The following ADGRD2 variants were observed in gnomAD, a reference collection of about 807,000 sequenced individuals.
ADGRD2 encodes G protein-coupled receptor PGR24.
ADGRD2 carries 71 observed loss-of-function variants against 44.4 expected under a neutral mutation model. The observed-to-expected ratio is 1.60, with a 90% CI of 1.32 to 1.95. The LOEUF (loss-of-function observed/expected upper bound fraction) is 1.95. ADGRD2 is among the 30% of genes most tolerant of loss of function. The probability of loss-of-function intolerance (pLI) is 0.00; values close to 1 mark genes in which losing one functional copy is unlikely to be tolerated. For synonymous variants in ADGRD2, 481 were observed against 224.8 expected (o/e 2.14, Z -10.19); for missense variants, 1,039 against 512.4 (o/e 2.03, Z -9.92).
intron 6 of ADGRD2, among the ~76,000 whole-genome samples, 191 bp from the exon 10 acceptor site, chr9:124,456,431 G>A (rs1261150282): frequency 6.6e-6 from 1 of 152,206 alleles, no homozygotes; most frequent in Admixed American, 6.5e-5. Flanking sequence ...GTCGAAGGAG[G>A]CTGGGGCAGG....
intron 17 of ADGRD2, among the ~76,000 whole-genome samples, chr9:124,473,498 A>G (rs1207691696): frequency 6.6e-6 from 1 of 152,200 alleles, no homozygotes; most frequent in Non-Finnish European, 1.5e-5. Context: ...ACATTTGCCA[A>G]GGCTACGCAC....
intron 6 of ADGRD2, among the ~76,000 whole-genome samples, 198 bp from the exon 10 acceptor site, chr9:124,456,424 G>A (rs928489747): frequency 3.9e-5 from 6 of 152,202 alleles, no homozygotes; most frequent in Non-Finnish European, 7.4e-5. Flanking sequence ...TGGATAGGTC[G>A]AAGGAGGCTG....
intron 21 of ADGRD2, among the ~76,000 whole-genome samples, chr9:124,477,472 CAG>C (rs1832070902): frequency 6.6e-6 from 1 of 152,222 alleles, no homozygotes; most frequent in Non-Finnish European, 1.5e-5. Flanking sequence ...GATTCTGATT[CAG>C]AGAGGGGGAG....
At position 124,459,289 on chromosome 9, in the gene ADGRD2, C is replaced by T. The variant is rs962426937; in HGVS notation, c.1870+568C>T. On this transcript the variant is annotated intron_variant, in intron 10 of 21. Coordinates refer to ENST00000334810, the Ensembl canonical transcript of ADGRD2. ...GGCGGATCACTTGAGGTCAGGAGTT[C>T]GAAACCAGCCTGGTCAACATGGTGA... is the stretch of plus-strand genomic sequence containing the variant. 2.0e-5 allele frequency among the ~76,000 whole-genome samples: 3 copies of T among 152,046 alleles called. No individual in the cohort carries two copies. The East Asian group carries it at 5.8e-4, about 29-fold the overall frequency.
chr9:124,469,279 C>A (rs1167132744), exon 15 of ADGRD2: 1 of 717,606 alleles, frequency 1.4e-6, no homozygotes, highest in African/African-American at 1.7e-5. Flanking sequence ...GACTACGTGG[C>A]CCCCGGACAT....
chr9:124,451,977 G>T, upstream of ADGRD2: 1 of 675,360 alleles, frequency 1.5e-6, no homozygotes, highest in Non-Finnish European at 2.7e-6. Flanking sequence ...TGACTGCAGA[G>T]TCTGCAGCTT....
chr9:124,452,718 G>A, exon 2 of ADGRD2: 1 of 712,166 alleles, frequency 1.4e-6, no homozygotes, highest in Non-Finnish European at 2.6e-6. Flanking sequence ...GACCCCCACA[G>A]AGGCGTGAGT....
At position 124,454,067 on chromosome 9, in the gene ADGRD2, C is replaced by A. The variant is rs903187403; in HGVS notation, c.994C>A (p.Pro332Thr). Residue 332 changes from proline to threonine, a missense_variant, in exon 4 of 22, where the codon CCG becomes ACG. Physicochemically the swap from Pro to Thr is conservative, Grantham distance 38 (BLOSUM62 -1). Coordinates refer to ENST00000334810, the Ensembl canonical transcript of ADGRD2. The surrounding 1 kb of genome is among the most constrained non-coding windows in gnomAD (Gnocchi z 4.5). Reference sequence around the variant, plus strand: ...TGAGGGCTCTGAGCTCTGCCTGGAGCCGCAGCCCTTCCTCTGCTGCTACCG... The same window carrying A: ...TGAGGGCTCTGAGCTCTGCCTGGAGACGCAGCCCTTCCTCTGCTGCTACCG... 5 of 713,726 alleles carry A rather than the reference C, an allele frequency of 7.0e-6. No individual in the cohort carries two copies. Among genetic ancestry groups the A allele is most frequent in the Non-Finnish European group, 1.3e-5 (5 of 383,430 alleles). The allele number at this position is 713,726 out of a possible 1,614,324, so 44.2% of individuals were successfully genotyped here.
chr9:124,457,439 G>A (rs7032400), intron 7 of ADGRD2, 33 bp from the exon 11 acceptor site: 15,624 of 558,082 alleles, frequency 0.028, 1,427 homozygotes, highest in East Asian at 0.25. Context: ...ACCTCACTCC[G>A]AGGTCCAGCC....
intron 17 of ADGRD2, among the ~76,000 whole-genome samples, chr9:124,473,928 G>T (rs1413894132): frequency 6.6e-6 from 1 of 151,960 alleles, no homozygotes; most frequent in Non-Finnish European, 1.5e-5. Context: ...CGAGAAATGG[G>T]GCAGGAGGGA....
rs1457967942 is a variant in ADGRD2 at position 124,458,726 on chromosome 9, T to C, written c.1870+5T>C. On this transcript the variant is annotated splice_donor_5th_base_variant and intron_variant, in intron 10 of 21. Coordinates refer to ENST00000334810, the Ensembl canonical transcript of ADGRD2. ...CATCTCCAGCACCGGGCCCAGGTAC[T>C]GGGTGGCGCTTCTGGGAAGCAGCCA... The C allele has an allele frequency of 2.8e-6, 2 of 717,662 alleles. No individual in the cohort carries two copies. Among genetic ancestry groups the C allele is most frequent in the African/African-American group, 1.7e-5 (1 of 57,260 alleles). The allele number at this position is 717,662 out of a possible 1,614,324, so 44.5% of individuals were successfully genotyped here.
Position 124,454,712 on chromosome 9 carries a change from C to CT in ADGRD2, c.1109-130dup. 1.6e-6 allele frequency: 1 copy of CT among 621,102 alleles called. No homozygotes were observed. Among genetic ancestry groups the CT allele is most frequent in the Non-Finnish European group, 2.9e-6 (1 of 342,220 alleles). 38.5% of individuals were successfully genotyped at this position (621,102 alleles called of 1,614,324 possible). A position where few individuals can be genotyped will look rare whatever the true frequency, so the allele number is the denominator to read the frequency against. On this transcript the variant is annotated intron_variant, in intron 5 of 21. Transcript: ENST00000334810. This position sits in a 1 kb window ranked among gnomAD's most constrained non-coding sequence, Gnocchi z 4.5. ...ATTCAGGCTCCCTATTCTGTAGCCC[C>CT]TGAGAGTTGGCGGCTTGTGACAAGT... is the stretch of plus-strand genomic sequence containing the variant.
At chr9:124,468,266 C>A (rs1489608787) in intron 13 of ADGRD2, 76 bp downstream of exon 16, 5 of 710,812 alleles carry the variant, frequency 7.0e-6, no homozygotes, top group African/African-American at 1.7e-5. Context: ...GGGTGACCCC[C>A]TGCCCCCAAC....
At chr9:124,467,593 C>G in intron 11 of ADGRD2, 128 bp from the exon 15 acceptor site, 1 of 641,086 alleles carries the variant, frequency 1.6e-6, no homozygotes, top group East Asian at 2.7e-5. Flanking sequence ...GGCCTGGGTC[C>G]TGCTGGCTGC....
intron 19 of ADGRD2, 31 bp from the exon 23 acceptor site, chr9:124,476,326 G>C: frequency 1.5e-6 from 1 of 681,298 alleles, no homozygotes; most frequent in East Asian, 2.7e-5. Context: ...TCCTGCCTTC[G>C]TCTCTCAAAA....
chr9:124,476,360 C>T (rs1256747743), exon 20 of ADGRD2: 2 of 700,380 alleles, frequency 2.9e-6, no homozygotes, highest in South Asian at 1.5e-5. Flanking sequence ...TCCCTAGGGA[C>T]CTATGGCCCT....
chr9:124,453,365 C>A (rs1831539608), exon 3 of ADGRD2: 2 of 543,948 alleles, frequency 3.7e-6, no homozygotes, highest in Non-Finnish European at 6.4e-6. Context: ...GGGCGCTGGG[C>A]GCTGTTCTCC....
rs1485237586 is a variant in ADGRD2, at chr9:124,454,476, C to T, written c.1023-8C>T. On this transcript the variant is annotated splice_region_variant and splice_polypyrimidine_tract_variant and intron_variant, in intron 4 of 21. Transcript: ENST00000334810. The surrounding 1 kb of genome is among the most constrained non-coding windows in gnomAD (Gnocchi z 4.5). ...CCGGGGCCTAGCCTGGCATCCACTC[C>T]TTTGCAGAGCCCTATCGTCGGCTGC... is the stretch of plus-strand genomic sequence containing the variant. 1 of 711,894 alleles carries T rather than the reference C, an allele frequency of 1.4e-6. No individual in the cohort carries two copies. The highest frequency in any genetic ancestry group is 2.0e-5 in the Admixed American group (1 of 49,890). 44.1% of individuals were successfully genotyped at this position (711,894 alleles called of 1,614,324 possible).
Position 124,458,182 on chromosome 9 carries a change from C to G in ADGRD2, c.1712C>G (p.Pro571Arg), listed in dbSNP as rs758506837. ...GTCTTCCAGCACACCCTAGAGGGAC[C>G]GGACCTAGAGCCCCAGGCCCCTGCC... The change falls in exon 9 of 22, where the codon CCG (proline) becomes CGG (arginine). Residue 571 changes from proline to arginine, a missense_variant. Physicochemically the swap from Pro to Arg is moderately radical, Grantham distance 103. Transcript: ENST00000334810. 10 of 718,380 alleles carry G rather than the reference C, an allele frequency of 1.4e-5. No individual in the cohort carries two copies. In the African/African-American group the frequency reaches 1.6e-4, roughly 11 times the overall value. The allele number at this position is 718,380 out of a possible 1,614,324, so 44.5% of individuals were successfully genotyped here.
Sources: allele counts gnomAD v4.1 joint callset (sites outside exome capture counted in the v4.1 genomes callset), GRCh38; gene constraint gnomAD v4.1.1; non-coding constraint Gnocchi (gnomAD v3.1); transcripts MANE v1.5; gene names NCBI Gene and HGNC (gene_info 2026-07-23, HGNC 2026-07-21).